Variants in ZNF664 observed in about 807,000 individuals in gnomAD.
The protein encoded by ZNF664 is zinc finger protein 664, also known as zinc finger Organ of Corti 1.
Under a neutral mutation model 18.2 loss-of-function variants are expected in ZNF664, and 10 were observed. That is an observed-to-expected ratio of 0.55 (90% confidence interval 0.34 to 0.93). ZNF664 has a LOEUF of 0.93. Ranked by LOEUF, ZNF664 falls within the 40% of genes least tolerant of loss-of-function variation. ZNF664 has a pLI of 0.02. For synonymous variants in ZNF664, 119 were observed against 104.2 expected (o/e 1.14, Z -0.86); for missense variants, 193 against 319.0 (o/e 0.61, Z 3.01).
chr12:123,981,725 T>C (rs1234644156), intron 2 of ZNF664, among the ~76,000 whole-genome samples: 1 of 152,228 alleles, frequency 6.6e-6, no homozygotes, highest in East Asian at 1.9e-4. Context: ...AGTTTGAAGG[T>C]CTTATAGGAC....
chr12:123,994,306 T>A (rs1956922452), intron 3 of ZNF664, among the ~76,000 whole-genome samples: 2 of 152,160 alleles, frequency 1.3e-5, no homozygotes, highest in Admixed American at 6.5e-5. Flanking sequence ...CCAGAGAACT[T>A]TAAGTTTATG....
chr12:123,985,079 T>C (rs898502847), intron 2 of ZNF664, among the ~76,000 whole-genome samples: 2 of 151,886 alleles, frequency 1.3e-5, no homozygotes, highest in Non-Finnish European at 2.9e-5. Flanking sequence ...TACAGAATGG[T>C]GTGTGGGAGG....
chr12:123,998,534 T>G (rs921624844), intron 3 of ZNF664: 2 of 152,510 alleles, frequency 1.3e-5, no homozygotes, highest in Non-Finnish European at 2.9e-5. Flanking sequence ...ATACATGCTG[T>G]GCCTCCTGTT....
rs148529674 is a variant in ZNF664 at position 123,985,938 on chromosome 12, A to G, written c.-756-2105A>G. Among the ~76,000 whole-genome samples the G allele has an allele frequency of 2.8e-3, 420 of 152,274 alleles. 2 individuals are homozygous for G. The highest frequency in any genetic ancestry group is 9.7e-3 in the African/African-American group (403 of 41,546). On this transcript the variant is annotated intron_variant, in intron 2 of 4. Transcript: ENST00000337815. ...AGACATTTAACATTTATTAACTTTA[A>G]TTTTGCAATTTTCTTTTCATGTTTT...
At chr12:123,994,357 A>G (rs750133451) in intron 3 of ZNF664, among the ~76,000 whole-genome samples, 2 of 152,186 alleles carry the variant, frequency 1.3e-5, no homozygotes, top group African/African-American at 2.4e-5. Context: ...AGAAATGAAG[A>G]CTAAAGTTTT....
chr12:124,001,845 C>T (rs1957016417), intron 3 of ZNF664, among the ~76,000 whole-genome samples: 1 of 152,230 alleles, frequency 6.6e-6, no homozygotes, highest in African/African-American at 2.4e-5. Flanking sequence ...ACTCAGTAAA[C>T]ATTTGGTGCT....
chr12:124,011,429 A>C lies in ZNF664; in HGVS notation c.-612A>C. 1 of 985,494 alleles carries C rather than the reference A, an allele frequency of 1.0e-6. No individual in the cohort carries two copies. The highest frequency in any genetic ancestry group is 1.2e-6 in the Non-Finnish European group (1 of 829,960). The allele number at this position is 985,494 out of a possible 1,614,324, so 61.0% of individuals were successfully genotyped here. The stretch of plus-strand genomic sequence containing the variant: ...CTTTGGAAGATAAGAGAGCTTCTTC[A>C]AGACCAAAAAAGGTTTGTGTTACTG... On this transcript the variant is annotated 5_prime_UTR_variant, in exon 4 of 5. Transcript: ENST00000337815.
chr12:124,007,130 TTA>T (rs1161850107), intron 3 of ZNF664, among the ~76,000 whole-genome samples: 1 of 152,156 alleles, frequency 6.6e-6, no homozygotes, highest in Non-Finnish European at 1.5e-5. Flanking sequence ...GGAGTTTCTT[TTA>T]TCTTTCTTTT....
At chr12:123,983,688 A>G (rs1032970830) in intron 2 of ZNF664, among the ~76,000 whole-genome samples, 38 of 152,164 alleles carry the variant, frequency 2.5e-4, no homozygotes, top group African/African-American at 8.7e-4. Flanking sequence ...CTGGCTTTCA[A>G]AATATCACTT....
chr12:124,006,424 C>A (rs1056786775), intron 3 of ZNF664, among the ~76,000 whole-genome samples: 1 of 152,176 alleles, frequency 6.6e-6, no homozygotes, highest in African/African-American at 2.4e-5. Flanking sequence ...AGTCCTGTAC[C>A]CCCGTCTTCA....
intron 3 of ZNF664, among the ~76,000 whole-genome samples, chr12:123,996,294 C>T (rs764980807): frequency 2.6e-5 from 4 of 152,166 alleles, no homozygotes; most frequent in South Asian, 2.1e-4. Flanking sequence ...AGAGCTGCAA[C>T]TTGAATTACA....
chr12:123,973,629 G>A, intron 1 of ZNF664: 2 of 503,090 alleles, frequency 4.0e-6, no homozygotes, highest in Non-Finnish European at 5.3e-6. Flanking sequence ...CGCAGATGGC[G>A]GCCGGTGCGA....
intron 2 of ZNF664, among the ~76,000 whole-genome samples, chr12:123,979,022 A>G (rs1956729310): frequency 6.6e-6 from 1 of 152,188 alleles, no homozygotes; most frequent in Non-Finnish European, 1.5e-5. Flanking sequence ...AAAACCTATA[A>G]AAGCATTAGA....
chr12:123,991,064 A>G (rs752204655), intron 3 of ZNF664, among the ~76,000 whole-genome samples: 4 of 152,162 alleles, frequency 2.6e-5, no homozygotes, highest in African/African-American at 4.8e-5. Flanking sequence ...GAAGATTTTG[A>G]ACTTAGGCCT....
At chr12:124,007,605 G>T (rs1207097493) in intron 3 of ZNF664, among the ~76,000 whole-genome samples, 2 of 152,136 alleles carry the variant, frequency 1.3e-5, no homozygotes, top group Non-Finnish European at 2.9e-5. Flanking sequence ...GATTATATTC[G>T]TTTCAGTCAC....
At chr12:123,985,435 C>T (rs1956812617) in intron 2 of ZNF664, among the ~76,000 whole-genome samples, 1 of 152,154 alleles carries the variant, frequency 6.6e-6, no homozygotes, top group African/African-American at 2.4e-5. Context: ...TTTTGATTTA[C>T]TATTCTGACA....
intron 2 of ZNF664, among the ~76,000 whole-genome samples, chr12:123,977,479 A>C (rs1323810021): frequency 6.7e-6 from 1 of 150,120 alleles, no homozygotes; most frequent in Non-Finnish European, 1.5e-5. Context: ...AAAAAAAAAA[A>C]ACCCTAAACA....
chr12:123,973,285 T>G lies in ZNF664; in HGVS notation c.-959T>G. ...GCGGCTCGGAGGCGCACCTGTGAGG[T>G]GTCCCTGAGGAGAGGGAGGTGGGTG... On this transcript the variant is annotated 5_prime_UTR_variant, in exon 1 of 5. Transcript: ENST00000337815. 7 of 1,003,468 alleles carry G rather than the reference T, an allele frequency of 7.0e-6. No individual in the cohort carries two copies. The highest frequency in any genetic ancestry group is 1.8e-5 in the African/African-American group (1 of 56,612). The allele number at this position is 1,003,468 out of a possible 1,614,324, so 62.2% of individuals were successfully genotyped here. A position where few individuals can be genotyped will look rare whatever the true frequency, so the allele number is the denominator to read the frequency against.
intron 2 of ZNF664, among the ~76,000 whole-genome samples, chr12:123,987,767 G>A (rs1339049754): frequency 2.0e-5 from 3 of 152,134 alleles, no homozygotes; most frequent in Admixed American, 1.3e-4. Flanking sequence ...TTCCCATCAC[G>A]AGGCTAATTG....
Sources: allele counts gnomAD v4.1 joint callset (sites outside exome capture counted in the v4.1 genomes callset), GRCh38; gene constraint gnomAD v4.1.1; transcripts MANE v1.5; gene names NCBI Gene and HGNC (gene_info 2026-07-23, HGNC 2026-07-21).